ATG3: variants seen among roughly 807,000 people sequenced by gnomAD.
ATG3 encodes autophagy related 3, also known as ubiquitin-like-conjugating enzyme ATG3.
ATG3 carries 25 observed loss-of-function variants against 50.7 expected under a neutral mutation model. The ratio of observed to expected loss-of-function variants is 0.49; its 90% CI spans 0.36 to 0.69. The LOEUF (loss-of-function observed/expected upper bound fraction) is 0.69. Ranked by LOEUF, ATG3 falls within the 30% of genes least tolerant of loss-of-function variation. The pLI is 0.00. For missense variants in ATG3, 281 were observed against 376.0 expected, an observed-to-expected ratio of 0.75 and a Z score of 2.09; for synonymous variants, 119 against 125.5, an observed-to-expected ratio of 0.95 and a Z score of 0.34.
intron 3 of ATG3, among the ~76,000 whole-genome samples, chr3:112,551,810 G>C (rs1933536710): frequency 6.6e-6 from 1 of 151,426 alleles, no homozygotes; most frequent in African/African-American, 2.4e-5. Context: ...AGAAAATCTG[G>C]AATACAGAAA....
Position 112,550,308 on chromosome 3 carries a change from A to G in ATG3, c.165-46T>C, listed in dbSNP as rs767352719. On this transcript the variant is annotated intron_variant, in intron 3 of 11. Coordinates refer to ENST00000283290, the MANE Select transcript of ATG3 (RefSeq NM_022488.5). The stretch of plus-strand genomic sequence containing the variant: ...ACCAAAATACAAAACATATTTTAAT[A>G]GGCAAATATACAGCAGAAAGTATTG... 1.9e-5 allele frequency: 26 copies of G among 1,391,970 alleles called. No individual in the cohort carries two copies. In the African/African-American group the frequency reaches 3.0e-4, roughly 16 times the overall value. The allele number at this position is 1,391,970 out of a possible 1,614,324, so 86.2% of individuals were successfully genotyped here.
At chr3:112,559,187 CTGAA>C (rs1202101533) in intron 1 of ATG3, among the ~76,000 whole-genome samples, 3 of 152,126 alleles carry the variant, frequency 2.0e-5, no homozygotes, top group African/African-American at 7.2e-5. Context: ...CTTATTTAAA[CTGAA>C]TAATGTTAGA....
At chr3:112,558,212 C>T in intron 2 of ATG3, 164 bp downstream of exon 2, 1 of 586,050 alleles carries the variant, frequency 1.7e-6, no homozygotes. Flanking sequence ...GAAGTTACAT[C>T]TTTTCTTCTA....
chr3:112,547,928 A>C (rs1221295395), intron 5 of ATG3, among the ~76,000 whole-genome samples: 1 of 152,278 alleles, frequency 6.6e-6, no homozygotes, highest in Non-Finnish European at 1.5e-5. Flanking sequence ...ATGACATGTA[A>C]GCAAGAGACT....
chr3:112,557,385 C>A (rs933081423), intron 2 of ATG3, among the ~76,000 whole-genome samples: 1 of 152,118 alleles, frequency 6.6e-6, no homozygotes, highest in East Asian at 1.9e-4. Context: ...CCTGTAATCC[C>A]GAGGCAGGCG....
At chr3:112,542,542 AG>A (rs1933260170) in intron 6 of ATG3, among the ~76,000 whole-genome samples, 1 of 152,082 alleles carries the variant, frequency 6.6e-6, no homozygotes, top group Non-Finnish European at 1.5e-5. Context: ...CATTTTACTT[AG>A]GGGTGGTTTA....
intron 6 of ATG3, 50 bp downstream of exon 6, chr3:112,544,007 A>T: frequency 7.4e-7 from 1 of 1,357,400 alleles, no homozygotes; most frequent in Non-Finnish European, 1.0e-6. Flanking sequence ...ATAGATAGAT[A>T]GGCAAATAAC....
chr3:112,533,754 A>C (rs1377202413), intron 11 of ATG3: 14 of 985,312 alleles, frequency 1.4e-5, no homozygotes, highest in Non-Finnish European at 1.7e-5. Flanking sequence ...CAATCCAAGA[A>C]AACTGAGTAG....
intron 1 of ATG3, among the ~76,000 whole-genome samples, chr3:112,559,155 G>C (rs1184805035): frequency 6.6e-6 from 1 of 152,078 alleles, no homozygotes; most frequent in Non-Finnish European, 1.5e-5. Context: ...AAGATGTTTA[G>C]ACATCTTACA....
chr3:112,553,005 T>TA (rs1203062149), intron 3 of ATG3, among the ~76,000 whole-genome samples: 2 of 152,196 alleles, frequency 1.3e-5, no homozygotes, highest in African/African-American at 4.8e-5. Flanking sequence ...AGGTCAGACT[T>TA]AGACACTATA....
chr3:112,540,715 G>C (rs940003642), intron 7 of ATG3, among the ~76,000 whole-genome samples: 1 of 151,300 alleles, frequency 6.6e-6, no homozygotes, highest in African/African-American at 2.4e-5. Flanking sequence ...AGAAGAAAGA[G>C]TCCAGGAAAG....
chr3:112,534,412 TAAAGA>T (rs1932967177), intron 10 of ATG3, 75 bp from the exon 11 acceptor site: 1 of 1,270,600 alleles, frequency 7.9e-7, no homozygotes, highest in Non-Finnish European at 1.1e-6. Flanking sequence ...TTTTCATTTG[TAAAGA>T]AATCGACCCT....
Position 112,558,422 on chromosome 3 carries a change from A to G in ATG3, c.73-5T>C. On this transcript the variant is annotated splice_polypyrimidine_tract_variant and splice_region_variant and intron_variant, in intron 1 of 11. Transcript: ENST00000283290. ...TGTTTCCTTAAACTTTGATTCCTAA[A>G]AAAAGCAGAAAGAAAAACAATATTA... The G allele has an allele frequency of 6.3e-7, 1 of 1,589,912 alleles. No homozygotes were observed.
intron 2 of ATG3, among the ~76,000 whole-genome samples, chr3:112,556,565 C>T (rs1334261040): frequency 2.0e-5 from 3 of 151,828 alleles, no homozygotes; most frequent in East Asian, 1.9e-4. Context: ...ATGACAATGG[C>T]GGTTTTGTGG....
intron 7 of ATG3, among the ~76,000 whole-genome samples, chr3:112,541,374 A>T (rs1933220169): frequency 6.6e-6 from 1 of 150,858 alleles, no homozygotes; most frequent in South Asian, 2.1e-4. Flanking sequence ...CGAGAGTGAG[A>T]CTCCGTCTCA....
In ATG3 at chr3:112,544,037, TATAACTAATTAA is replaced by T. The variant is rs1216743927; in HGVS notation, c.393+8_393+19del. 6.5e-7 allele frequency: 1 copy of T among 1,546,844 alleles called. No individual in the cohort carries two copies. Among genetic ancestry groups the T allele is most frequent in the Non-Finnish European group, 8.9e-7 (1 of 1,121,424 alleles). ...AATAACTACTCATTAAATTTAAAAATATAACTAATTAACCAGTACCTTATTTTCCAGTGTGAT... is the reference window on the plus strand; with the variant it reads ...AATAACTACTCATTAAATTTAAAAATCCAGTACCTTATTTTCCAGTGTGAT... On this transcript the variant is annotated splice_region_variant and intron_variant, in intron 6 of 11. Coordinates refer to ENST00000283290, the MANE Select transcript of ATG3 (RefSeq NM_022488.5).
At chr3:112,553,000 A>G (rs16859779) in intron 3 of ATG3, among the ~76,000 whole-genome samples, 10,219 of 152,284 alleles carry the variant, frequency 0.067, 428 homozygotes, top group Admixed American at 0.12. Flanking sequence ...CCAGAAGGTC[A>G]GACTTAGACA....
intron 1 of ATG3, among the ~76,000 whole-genome samples, chr3:112,561,165 T>C (rs2107398746): frequency 6.6e-6 from 1 of 152,334 alleles, no homozygotes; most frequent in Middle Eastern, 3.4e-3. Context: ...TTCTTCAATC[T>C]ACTCAGCCTC....
chr3:112,556,914 G>A (rs9713279), intron 2 of ATG3, among the ~76,000 whole-genome samples: 1 of 151,826 alleles, frequency 6.6e-6, no homozygotes, highest in African/African-American at 2.4e-5. Context: ...CCTCTGCCTA[G>A]GAAAACCAGA....
Sources: allele counts gnomAD v4.1 joint callset (sites outside exome capture counted in the v4.1 genomes callset), GRCh38; gene constraint gnomAD v4.1.1; transcripts MANE v1.5; gene names NCBI Gene and HGNC (gene_info 2026-07-23, HGNC 2026-07-21).